STK3: variants seen among roughly 807,000 people sequenced by gnomAD.
STK3 encodes the protein serine/threonine-protein kinase 3.
Under a neutral mutation model 58.0 loss-of-function variants are expected in STK3, and 41 were observed. That is an observed-to-expected ratio of 0.71 (90% CI 0.55 to 0.92). STK3 has a LOEUF of 0.92. Among genes scored for constraint, STK3 ranks in the 40% least tolerant of loss-of-function variants. The probability of loss-of-function intolerance (pLI) is 0.00; values close to 1 mark genes in which losing one functional copy is unlikely to be tolerated. For synonymous variants in STK3, 170 were observed against 191.0 expected (o/e 0.89, Z 0.91); for missense variants, 479 against 602.7 (o/e 0.79, Z 2.15).
In STK3 at chr8:98,790,712, T is replaced by C. The variant is rs192110092; in HGVS notation, c.27-15893A>G. On this transcript the variant is annotated intron_variant, in intron 1 of 10. Transcript: ENST00000419617. ...AAATAAAGGGCATCTAAGCCGGGTG[T>C]GGTGGCTCACGCCTGTAACCCCAGC... Among the ~76,000 whole-genome samples, 1,336 of 152,244 alleles carry C rather than the reference T, an allele frequency of 8.8e-3. 11 individuals are homozygous for C. Among genetic ancestry groups the C allele is most frequent in the African/African-American group, 0.03 (1,259 of 41,540 alleles).
At chr8:98,867,635 T>C (rs2131865716) in intron 3 of STK3, among the ~76,000 whole-genome samples, 2 of 152,102 alleles carry the variant, frequency 1.3e-5, no homozygotes, top group Middle Eastern at 6.8e-3. Context: ...GATCAGAAGA[T>C]GCAGATTACA....
intron 3 of STK3, among the ~76,000 whole-genome samples, chr8:98,765,315 T>C (rs545932888): frequency 6.6e-6 from 1 of 152,314 alleles, no homozygotes; most frequent in South Asian, 2.1e-4. Context: ...ATGGGAAATA[T>C]GTAACATAAT....
chr8:98,841,782 A>G (rs1012713864), intron 3 of STK3, among the ~76,000 whole-genome samples: 5 of 151,882 alleles, frequency 3.3e-5, no homozygotes, highest in Non-Finnish European at 1.5e-5. Flanking sequence ...AAATAATAAT[A>G]GTAATAAAAA....
intron 8 of STK3, among the ~76,000 whole-genome samples, chr8:98,568,154 G>A (rs1812660531): frequency 6.6e-6 from 1 of 152,094 alleles, no homozygotes; most frequent in Non-Finnish European, 1.5e-5. Context: ...TTTTAGAACA[G>A]TCCAAGAAAT....
chr8:98,874,066 G>T (rs201038517), intron 3 of STK3, among the ~76,000 whole-genome samples: 1 of 151,988 alleles, frequency 6.6e-6, no homozygotes, highest in Admixed American at 6.6e-5. Context: ...AGCATTTGTT[G>T]GTCTGTAAAG....
chr8:98,883,883 A>C (rs1224148894), intron 1 of STK3: 2 of 586,536 alleles, frequency 3.4e-6, no homozygotes, highest in Admixed American at 2.7e-5. Flanking sequence ...CTGAAGCCAG[A>C]GGGGCAGTCA....
chr8:98,657,644 G>T (rs1421582990), intron 6 of STK3, among the ~76,000 whole-genome samples: 2 of 151,934 alleles, frequency 1.3e-5, no homozygotes, highest in African/African-American at 4.8e-5. Flanking sequence ...ATAGAGAAAT[G>T]TTTAGGTTAT....
chr8:98,380,674 A>G lies in STK3; in HGVS notation n.57-1467T>C, dbSNP rs1350810457. On this transcript the variant is annotated intron_variant and non_coding_transcript_variant, in intron 1 of 2. Coordinates refer to the STK3 transcript ENST00000518704. ...TCCTCAGACCCTCACTAGTACCAGAAATTGTAACTTTTTAAAAAGGTGATA... is the reference window on the plus strand; with the variant it reads ...TCCTCAGACCCTCACTAGTACCAGAGATTGTAACTTTTTAAAAAGGTGATA... Among the ~76,000 whole-genome samples, 4 of 152,318 alleles carry G rather than the reference A, an allele frequency of 2.6e-5. No individual in the cohort carries two copies. In the East Asian group the frequency reaches 7.7e-4, roughly 29 times the overall value.
intron 6 of STK3, among the ~76,000 whole-genome samples, chr8:98,620,488 A>T (rs1017471861): frequency 2.7e-5 from 4 of 149,300 alleles, no homozygotes; most frequent in African/African-American, 9.8e-5. Context: ...ATAAATAAAT[A>T]AATAAATAAA....
intron 6 of STK3, among the ~76,000 whole-genome samples, chr8:98,650,605 G>C (rs112077252): frequency 3.0e-3 from 457 of 152,322 alleles, no homozygotes; most frequent in African/African-American, 0.011. Flanking sequence ...GGGTGACAGA[G>C]GGCACCTGGA....
intron 1 of STK3, among the ~76,000 whole-genome samples, chr8:98,784,245 A>G (rs1178752898): frequency 6.6e-6 from 1 of 152,226 alleles, no homozygotes; most frequent in African/African-American, 2.4e-5. Flanking sequence ...ACCCAGTAGC[A>G]TGGCCACATA....
chr8:98,760,562 C>G (rs897081157), intron 3 of STK3, among the ~76,000 whole-genome samples: 2 of 152,098 alleles, frequency 1.3e-5, no homozygotes, highest in African/African-American at 4.8e-5. Flanking sequence ...AAATATGATG[C>G]CTTAATAACT....
chr8:98,369,354 C>A (rs1487619238), downstream of STK3, among the ~76,000 whole-genome samples: 5 of 152,158 alleles, frequency 3.3e-5, no homozygotes, highest in East Asian at 9.6e-4. Flanking sequence ...AGGATCTTCT[C>A]CCCACAAAAG....
intron 1 of STK3, among the ~76,000 whole-genome samples, chr8:98,914,046 AAGC>A (rs1359627329): frequency 6.6e-6 from 1 of 151,236 alleles, no homozygotes; most frequent in Non-Finnish European, 1.5e-5. Flanking sequence ...TATTCAGTTA[AAGC>A]CAATTCAAAA....
At chr8:98,445,658 A>T (rs1818910586) in intron 1 of STK3, among the ~76,000 whole-genome samples, 1 of 152,188 alleles carries the variant, frequency 6.6e-6, no homozygotes, top group Admixed American at 6.6e-5. Context: ...CAAGAAGAAA[A>T]CTGCTGACAA....
At chr8:98,514,376 G>A (rs1023181368) in intron 10 of STK3, among the ~76,000 whole-genome samples, 1 of 152,098 alleles carries the variant, frequency 6.6e-6, no homozygotes, top group East Asian at 1.9e-4. Context: ...TTTAAAAAAA[G>A]TAATTTCAGA....
At chr8:98,871,671 G>C (rs1837385724) in intron 3 of STK3, among the ~76,000 whole-genome samples, 1 of 152,172 alleles carries the variant, frequency 6.6e-6, no homozygotes, top group Non-Finnish European at 1.5e-5. Flanking sequence ...AGGAATGCTT[G>C]TGATTTTTGC....
chr8:98,874,528 A>G (rs2131883381), intron 3 of STK3, among the ~76,000 whole-genome samples: 1 of 152,258 alleles, frequency 6.6e-6, no homozygotes, highest in East Asian at 1.9e-4. Flanking sequence ...TCAAATGGAT[A>G]GTCTTGTTTC....
At position 98,526,733 on chromosome 8, in the gene STK3, T is replaced by G. The variant is rs374037403; in HGVS notation, c.1317+9A>C. On this transcript the variant is annotated intron_variant, in intron 10 of 10. Transcript: ENST00000419617. ...GAAAACATAAATTGAAGAATTAAAA[T>G]GTACTTACAAAGTCAAAGTCTCCAT... The G allele has an allele frequency of 2.0e-6, 3 of 1,536,700 alleles. No homozygotes were observed. Among genetic ancestry groups the G allele is most frequent in the Non-Finnish European group, 2.6e-6 (3 of 1,141,726 alleles).
Sources: gnomAD v4.1 joint callset for allele counts (sites outside exome capture counted in the v4.1 genomes callset) on GRCh38, gnomAD v4.1.1 for gene constraint, MANE v1.5 for transcripts, NCBI Gene and HGNC (gene_info 2026-07-23, HGNC 2026-07-21) for gene names.